Variants in MSH6 observed in about 807,000 individuals in gnomAD.
MSH6 encodes DNA mismatch repair protein Msh6.
A neutral mutation model predicts 119.1 loss-of-function variants in MSH6; 85 were observed. The ratio of observed to expected loss-of-function variants is 0.71; its 90% CI spans 0.60 to 0.85. The LOEUF (loss-of-function observed/expected upper bound fraction) is 0.85, where lower values mean the gene tolerates loss of function less well. Among genes scored for constraint, MSH6 ranks in the 40% least tolerant of loss-of-function variants. MSH6 has a pLI of 0.00. For missense variants in MSH6, 2,163 were observed against 1,655.3 expected, an observed-to-expected ratio of 1.31 and a Z score of -5.32; for synonymous variants, 830 against 586.9, an observed-to-expected ratio of 1.41 and a Z score of -5.99.
downstream of MSH6, chr2:47,808,308 T>C (rs1177912290): frequency 6.2e-7 from 1 of 1,612,388 alleles, no homozygotes; most frequent in Non-Finnish European, 8.5e-7. Context: ...GGGTAATATA[T>C]CAAGCAAGTG....
At chr2:47,797,997 C>G (rs1336954259) in intron 3 of MSH6, 2 of 210,480 alleles carry the variant, frequency 9.5e-6, no homozygotes, top group African/African-American at 4.7e-5. Context: ...CTGCTTCCTT[C>G]ATAATGCTGC....
At chr2:47,788,934 T>TTTTTTTTTTTTTTG (rs1558650287) in intron 1 of MSH6, among the ~76,000 whole-genome samples, 90 of 99,636 alleles carry the variant, frequency 9.0e-4, no homozygotes, top group Non-Finnish European at 1.4e-3. Context: ...TTTTTTTTTT[T>TTTTTTTTTTTTTTG]TTTTTTTTTT....
intron 1 of MSH6, among the ~76,000 whole-genome samples, chr2:47,787,299 A>G (rs997539270): frequency 1.3e-5 from 2 of 152,184 alleles, no homozygotes; most frequent in East Asian, 1.9e-4. Context: ...GCCAAAAAAT[A>G]AAATAAAAGT....
chr2:47,784,325 A>G (rs1395002218), intron 1 of MSH6: 6 of 859,776 alleles, frequency 7.0e-6, no homozygotes, highest in Middle Eastern at 5.9e-4. Context: ...ATTTTATTTT[A>G]TGAAATAGTG....
chr2:47,799,951 C>G lies in MSH6; in HGVS notation c.1968C>G (p.Pro656=), dbSNP rs1553413333. The part of the protein sequence containing the change: ...KLSDGIGVML[P]QVLKGMTSES... Reference sequence around the variant, plus strand: ...GTGATGGCATTGGGGTGATGTTACCCCAGGTGCTTAAAGGTATGACTTCAG... The same window carrying G: ...GTGATGGCATTGGGGTGATGTTACCGCAGGTGCTTAAAGGTATGACTTCAG... Residue 656 remains proline, a synonymous_variant, in exon 4 of 10, where the codon CCC becomes CCG. Coordinates refer to ENST00000234420, the MANE Select transcript of MSH6 (RefSeq NM_000179.3). 3 of 1,614,014 alleles carry G rather than the reference C, an allele frequency of 1.9e-6. No homozygotes were observed. The highest frequency in any genetic ancestry group is 1.7e-6 in the Non-Finnish European group (2 of 1,180,006).
chr2:47,806,422 C>G (rs2104549631), intron 8 of MSH6, 30 bp from the exon 9 acceptor site: 1 of 1,613,636 alleles, frequency 6.2e-7, no homozygotes, highest in Non-Finnish European at 8.5e-7. Context: ...CTTGCTAGCA[C>G]ATGTATCGCT....
intron 2 of MSH6, 146 bp downstream of exon 2, chr2:47,791,269 C>A (rs1668716691): frequency 1.4e-6 from 1 of 739,164 alleles, no homozygotes; most frequent in South Asian, 1.7e-5. Flanking sequence ...GTTGTGAAAG[C>A]TTCTGGCATG....
Position 47,801,116 on chromosome 2 carries a change from A to G in MSH6, c.3133A>G (p.Lys1045Glu), listed in dbSNP as rs2104441885. 4 of 1,612,034 alleles carry G rather than the reference A, an allele frequency of 2.5e-6. No homozygotes were observed. Among genetic ancestry groups the G allele is most frequent in the African/African-American group, 2.7e-5 (2 of 74,964 alleles). ...RLFYNFDKNYKDWQSAVECIA... is the reference protein window; with the variant it reads ...RLFYNFDKNYEDWQSAVECIA... ...GTTCTATAACTTTGATAAAAATTACAAGGACTGGCAGTCTGCTGTAGAGTG... is the reference window on the plus strand; with the variant it reads ...GTTCTATAACTTTGATAAAAATTACGAGGACTGGCAGTCTGCTGTAGAGTG... Residue 1045 changes from lysine (K) to glutamate (E), a missense_variant, in exon 4 of 10, where the codon AAG (lysine) becomes GAG (glutamate). Coordinates refer to ENST00000234420, the MANE Select transcript of MSH6 (RefSeq NM_000179.3).
chr2:47,805,765 AACTATTTTTATAGAAGATT>A, intron 7 of MSH6, 58 bp downstream of exon 7: 1 of 1,256,196 alleles, frequency 8.0e-7, no homozygotes. Flanking sequence ...TTGTACAAAT[AACTATTTTTATAGAAGATT>A]ATCTGAAGTA....
In MSH6 at chr2:47,783,442, A is replaced by C. The variant is rs1668133034; in HGVS notation, c.209A>C (p.Lys70Thr). Reference protein sequence around the residue: ...LARSASPPKAKNLNGGLRRSV... With the variant: ...LARSASPPKATNLNGGLRRSV... ...CGCTCCGCGTCACCGCCCAAGGCGA[A>C]GAACCTCAACGGAGGGCTGCGGAGA... Residue 70 changes from lysine to threonine, a missense_variant, in exon 1 of 10, where the codon AAG becomes ACG. Physicochemically the swap from Lys to Thr is moderately conservative, Grantham distance 78. Coordinates refer to ENST00000234420, the MANE Select transcript of MSH6 (RefSeq NM_000179.3). 6.0e-6 allele frequency: 9 copies of C among 1,497,820 alleles called. No individual in the cohort carries two copies. The highest frequency in any genetic ancestry group is 1.4e-5 in the African/African-American group (1 of 69,338). 92.8% of individuals were successfully genotyped at this position (1,497,820 alleles called of 1,614,324 possible).
rs1201277355 is a variant in MSH6, at chr2:47,806,433, A to G, written c.3802-19A>G. 1.2e-6 allele frequency: 2 copies of G among 1,613,926 alleles called. No individual in the cohort carries two copies. The highest frequency in any genetic ancestry group is 1.7e-5 in the Admixed American group (1 of 59,976). On this transcript the variant is annotated intron_variant, in intron 8 of 9. Transcript: ENST00000234420. The stretch of plus-strand genomic sequence containing the variant: ...TTCTCTTGCTAGCACATGTATCGCT[A>G]ATATTTTTCTTTCTTAAGGCATGCA...
In MSH6 at chr2:47,783,364, C is replaced by T. The variant is rs863224615; in HGVS notation, c.131C>T (p.Pro44Leu). The T allele has an allele frequency of 3.1e-6, 5 of 1,604,884 alleles. No homozygotes were observed. The highest frequency in any genetic ancestry group is 4.3e-6 in the Non-Finnish European group (5 of 1,176,158). Residue 44 changes from proline to leucine, a missense_variant, in exon 1 of 10, where the codon CCA becomes CTA. By Grantham distance (98) the Pro-to-Leu change is moderately conservative. Transcript: ENST00000234420. ...GCTGCCCCCGGGGCCTCTCCTTCCC[C>T]AGGCGGGGATGCGGCCTGGAGCGAG... The part of the protein sequence containing the change: ...AAAAPGASPS[P>L]GGDAAWSEAG...
At chr2:47,797,268 C>G (rs890965429) in intron 3 of MSH6, among the ~76,000 whole-genome samples, 1 of 152,172 alleles carries the variant, frequency 6.6e-6, no homozygotes, top group Non-Finnish European at 1.5e-5. Context: ...TCATCTATAA[C>G]TAAGCTCAGT....
chr2:47,792,013 A>C (rs1668760214), intron 2 of MSH6, among the ~76,000 whole-genome samples: 1 of 152,020 alleles, frequency 6.6e-6, no homozygotes, highest in South Asian at 2.1e-4. Context: ...AGCCCAGCTA[A>C]TTTTTTATTT....
At chr2:47,788,982 G>C (rs1199584996) in intron 1 of MSH6, among the ~76,000 whole-genome samples, 1 of 121,624 alleles carries the variant, frequency 8.2e-6, no homozygotes, top group Non-Finnish European at 1.6e-5. Context: ...CTGGAATGCA[G>C]TGGCGTTTTC....
rs1114167750 is a variant in MSH6, at chr2:47,799,440, CTG to C, written c.1458_1459del (p.Glu487AspfsTer10). The C allele has an allele frequency of 6.2e-7, 1 of 1,614,120 alleles. No homozygotes were observed. Among genetic ancestry groups the C allele is most frequent in the Non-Finnish European group, 8.5e-7 (1 of 1,180,036 alleles). On this transcript the variant is annotated frameshift_variant, in exon 4 of 10. Coordinates refer to ENST00000234420, the MANE Select transcript of MSH6 (RefSeq NM_000179.3). LOFTEE classifies it high-confidence loss of function. ...TATAAAGTAGCACGAGTGGAACAGA[CTG>C]AGACTCCAGAAATGATGGAGGCACG...
At position 47,806,922 on chromosome 2, in the gene MSH6, A is replaced by ATGATCTAATAAACTTTATTTTT; in HGVS notation, c.*64_*85dup. 1 of 1,204,932 alleles carries ATGATCTAATAAACTTTATTTTT rather than the reference A, an allele frequency of 8.3e-7. No individual in the cohort carries two copies. The highest frequency in any genetic ancestry group is 2.3e-5 in the East Asian group (1 of 42,854). The allele number at this position is 1,204,932 out of a possible 1,614,324, so 74.6% of individuals were successfully genotyped here. A position where few individuals can be genotyped will look rare whatever the true frequency, so the allele number is the denominator to read the frequency against. ...AAAGGTGGTAAATTCAGACAACATTATGATCTAATAAACTTTATTTTTTAA... is the reference window on the plus strand; with the variant it reads ...AAAGGTGGTAAATTCAGACAACATTATGATCTAATAAACTTTATTTTTTGATCTAATAAACTTTATTTTTTAA... On this transcript the variant is annotated 3_prime_UTR_variant, in exon 10 of 10. Transcript: ENST00000234420.
rs1037676645 is a variant in MSH6, at chr2:47,792,808, AGAG to A, written c.457+1687_457+1689del. ...TTTAGCCTCCTCAGTAACCGGGACT[AGAG>A]GTGTCTGCCACCACACCTGGCTAAT... On this transcript the variant is annotated intron_variant, in intron 2 of 9. Coordinates refer to ENST00000234420, the MANE Select transcript of MSH6 (RefSeq NM_000179.3). Among the ~76,000 whole-genome samples the A allele has an allele frequency of 1.8e-4, 27 of 148,608 alleles. 1 individual carries two copies. Among genetic ancestry groups the A allele is most frequent in the Middle Eastern group, 7.4e-3 (2 of 272 alleles).
chr2:47,793,490 C>G (rs528967589), intron 2 of MSH6, among the ~76,000 whole-genome samples: 80 of 151,206 alleles, frequency 5.3e-4, no homozygotes, highest in African/African-American at 1.9e-3. Context: ...AAGCTGAAAT[C>G]CCAGCTACTC....
Sources: gnomAD v4.1 joint callset for allele counts (sites outside exome capture counted in the v4.1 genomes callset) on GRCh38, gnomAD v4.1.1 for gene constraint, MANE v1.5 for transcripts, NCBI Gene and HGNC (gene_info 2026-07-23, HGNC 2026-07-21) for gene names.